The following ITPA variants were observed in gnomAD, a reference collection of about 807,000 sequenced individuals.
ITPA encodes the protein inosine triphosphate pyrophosphatase.
ITPA carries 29 observed loss-of-function variants against 29.6 expected under a neutral mutation model. The observed-to-expected ratio is 0.98, with a 90% CI of 0.73 to 1.34. The LOEUF (loss-of-function observed/expected upper bound fraction) is 1.34. Among genes scored for constraint, ITPA ranks in the 40% most tolerant of loss-of-function variants. The probability of loss-of-function intolerance (pLI) is 0.00; values close to 1 mark genes in which losing one functional copy is unlikely to be tolerated. For synonymous variants in ITPA, 103 were observed against 99.3 expected (o/e 1.04, Z -0.22); for missense variants, 241 against 251.5 (o/e 0.96, Z 0.28).
chr20:3,208,538 G>A (rs1331984040), upstream of ITPA, among the ~76,000 whole-genome samples: 1 of 152,164 alleles, frequency 6.6e-6, no homozygotes, highest in Non-Finnish European at 1.5e-5. Flanking sequence ...ACCATGCCCA[G>A]CTAATTTTGT....
In ITPA at chr20:3,221,849, C is replaced by T. The variant is rs374366773; in HGVS notation, c.420C>T (p.Ile140=). 76 of 1,613,922 alleles carry T rather than the reference C, an allele frequency of 4.7e-5. 1 individual carries two copies. The highest frequency in any genetic ancestry group is 4.2e-4 in the South Asian group (38 of 91,088). The part of the protein sequence containing the change: ...RLFRGRTSGR[I]VAPRGCQDFG... ...CCCCTTTCCTGTGGCAGGGCCGGAT[C>T]GTGGCACCCAGAGGCTGCCAGGACT... The change falls in exon 7 of 8, where the codon ATC becomes ATT. Residue 140 remains isoleucine (I), a synonymous_variant. Coordinates refer to ENST00000380113, the MANE Select transcript of ITPA (RefSeq NM_033453.4).
upstream of ITPA, among the ~76,000 whole-genome samples, chr20:3,208,307 C>A (rs1287914081): frequency 6.6e-6 from 1 of 152,116 alleles, no homozygotes; most frequent in Non-Finnish European, 1.5e-5. Context: ...TCTAGGGACT[C>A]TGCATAATGG....
chr20:3,222,916 CG>C (rs1568520776), intron 7 of ITPA, among the ~76,000 whole-genome samples: 1 of 152,218 alleles, frequency 6.6e-6, no homozygotes, highest in Non-Finnish European at 1.5e-5. Context: ...AGGCCACGGG[CG>C]GGGTATGGGA....
chr20:3,210,120 T>C (rs1206258420), intron 1 of ITPA, among the ~76,000 whole-genome samples: 1 of 152,230 alleles, frequency 6.6e-6, no homozygotes, highest in Non-Finnish European at 1.5e-5. Flanking sequence ...GCAGGACATT[T>C]GCTTCACAGC....
chr20:3,219,582 T>G (rs1429014342), intron 6 of ITPA, among the ~76,000 whole-genome samples: 1 of 150,890 alleles, frequency 6.6e-6, no homozygotes, highest in Non-Finnish European at 1.5e-5. Context: ...CCGTCTCAAC[T>G]AAAAATACAA....
At position 3,223,506 on chromosome 20, in the gene ITPA, G is replaced by A. The variant is rs770970214; in HGVS notation, c.*44G>A. On this transcript the variant is annotated 3_prime_UTR_variant, in exon 8 of 8. Coordinates refer to ENST00000380113, the MANE Select transcript of ITPA (RefSeq NM_033453.4). ...GCCCCTCAGGCCGGGGATCTGGGGA[G>A]GGCTAGCCCAAAACCTCCCGCATCG... is the stretch of plus-strand genomic sequence containing the variant. 6.6e-7 allele frequency: 1 copy of A among 1,506,908 alleles called. No homozygotes were observed. The highest frequency in any genetic ancestry group is 1.4e-5 in the African/African-American group (1 of 73,000). The allele number at this position is 1,506,908 out of a possible 1,614,324, so 93.3% of individuals were successfully genotyped here. A position where few individuals can be genotyped will look rare whatever the true frequency, so the allele number is the denominator to read the frequency against.
upstream of ITPA, chr20:3,204,633 G>A (rs752491480): frequency 5.1e-6 from 8 of 1,576,104 alleles, no homozygotes; most frequent in Middle Eastern, 1.7e-4. Flanking sequence ...ACCATGACGA[G>A]GGCCTCAGTG....
Position 3,213,181 on chromosome 20 carries a change from C to T in ITPA, c.79C>T (p.Leu27=). 1 of 1,614,054 alleles carries T rather than the reference C, an allele frequency of 6.2e-7. No individual in the cohort carries two copies. Among genetic ancestry groups the T allele is most frequent in the Non-Finnish European group, 8.5e-7 (1 of 1,179,930 alleles). ...TCTCTTGGAACAGGTCGTTCAGATTCTAGGAGATAAGTTTCCATGCACTTT... is the reference window on the plus strand; with the variant it reads ...TCTCTTGGAACAGGTCGTTCAGATTTTAGGAGATAAGTTTCCATGCACTTT... ...AKKLEEVVQI[L]GDKFPCTLVA... The change falls in exon 2 of 8, where the codon CTA becomes TTA. Residue 27 remains leucine, a synonymous_variant. Coordinates refer to ENST00000380113, the MANE Select transcript of ITPA (RefSeq NM_033453.4).
intron 6 of ITPA, among the ~76,000 whole-genome samples, chr20:3,220,423 T>A (rs1162972073): frequency 2.6e-5 from 4 of 151,942 alleles, no homozygotes; most frequent in African/African-American, 9.7e-5. Context: ...GTGGTTGAGG[T>A]TCAGTAACTG....
At chr20:3,217,925 T>A (rs2067347943) in intron 5 of ITPA, among the ~76,000 whole-genome samples, 1 of 83,966 alleles carries the variant, frequency 1.2e-5, no homozygotes, top group Non-Finnish European at 2.8e-5. Flanking sequence ...TGTTTTTGTT[T>A]TTTCTTTCCT....
chr20:3,207,955 A>C (rs1172945570), upstream of ITPA, among the ~76,000 whole-genome samples: 1 of 147,680 alleles, frequency 6.8e-6, no homozygotes, highest in East Asian at 2.0e-4. Context: ...AGATCATGCC[A>C]TTGCACTCCA....
Position 3,220,098 on chromosome 20 carries a change from G to A in ITPA, c.411+1466G>A, listed in dbSNP as rs116684965. On this transcript the variant is annotated intron_variant, in intron 6 of 7. Transcript: ENST00000380113. ...TTATTTGCCCAAACTTATTCCTTCCGTGAGATGTATTCAACACCCCCTACT... is the reference window on the plus strand; with the variant it reads ...TTATTTGCCCAAACTTATTCCTTCCATGAGATGTATTCAACACCCCCTACT... 9.5e-3 allele frequency among the ~76,000 whole-genome samples: 1,412 copies of A among 148,150 alleles called. 22 individuals carry two copies. The highest frequency in any genetic ancestry group is 0.034 in the African/African-American group (1,357 of 40,230).
intron 6 of ITPA, among the ~76,000 whole-genome samples, chr20:3,220,097 C>T (rs147277816): frequency 1.7e-3 from 254 of 151,710 alleles, no homozygotes; most frequent in Non-Finnish European, 2.6e-3. Context: ...TTATTCCTTC[C>T]GTGAGATGTA....
In ITPA at chr20:3,215,744, G is replaced by C. The variant is rs112200085; in HGVS notation, c.295+432G>C. 1.1e-4 allele frequency among the ~76,000 whole-genome samples: 16 copies of C among 152,190 alleles called. 1 individual carries two copies. Among genetic ancestry groups the C allele is most frequent in the African/African-American group, 3.6e-4 (15 of 41,516 alleles). On this transcript the variant is annotated intron_variant, in intron 5 of 7. Transcript: ENST00000380113. ...TCTGTTGCCCAGGCTGGAGTACACCGGTGTGATCTCGACTCACTGCAACCT... is the reference window on the plus strand; with the variant it reads ...TCTGTTGCCCAGGCTGGAGTACACCCGTGTGATCTCGACTCACTGCAACCT...
upstream of ITPA, among the ~76,000 whole-genome samples, chr20:3,206,429 A>G (rs368702235): frequency 1.8e-4 from 26 of 143,954 alleles, no homozygotes; most frequent in African/African-American, 6.8e-4. Flanking sequence ...ACCGTGGCTC[A>G]CGCCTACAAT....
At position 3,209,625 on chromosome 20, in the gene ITPA, G is replaced by T. The variant is rs989558409; in HGVS notation, c.66+8G>T. ...GCCAAGAAGCTGGAGGAGGTGCCGG[G>T]AGGGTGTTGGGGGCTAACTGGGAGG... On this transcript the variant is annotated splice_region_variant and intron_variant, in intron 1 of 7. Coordinates refer to ENST00000380113, the MANE Select transcript of ITPA (RefSeq NM_033453.4). The surrounding 1 kb of genome is among the most constrained non-coding windows in gnomAD (Gnocchi z 4.6). 7 of 1,613,656 alleles carry T rather than the reference G, an allele frequency of 4.3e-6. No homozygotes were observed. In the African/African-American group the frequency reaches 6.7e-5, roughly 15 times the overall value.
chr20:3,214,221 T>G lies in ITPA; in HGVS notation c.263+163T>G, dbSNP rs918946561. ...GGATAGGAGAAGCATGCCTTTCTTT[T>G]GTAAAGTGTGAGAATGCGACCTGTA... is the stretch of plus-strand genomic sequence containing the variant. On this transcript the variant is annotated intron_variant, in intron 4 of 7. Coordinates refer to ENST00000380113, the MANE Select transcript of ITPA (RefSeq NM_033453.4). 2.0e-5 allele frequency among the ~76,000 whole-genome samples: 3 copies of G among 152,186 alleles called. No homozygotes were observed. The East Asian group carries it at 5.8e-4, about 29-fold the overall frequency.
At chr20:3,222,585 G>A (rs1191774154) in intron 7 of ITPA, among the ~76,000 whole-genome samples, 1 of 152,166 alleles carries the variant, frequency 6.6e-6, no homozygotes, top group East Asian at 1.9e-4. Context: ...GCAGCCTCTG[G>A]TGGGCACTAT....
chr20:3,218,679 T>A (rs553757179), intron 6 of ITPA, 47 bp downstream of exon 6: 1 of 1,473,096 alleles, frequency 6.8e-7, no homozygotes, highest in East Asian at 2.3e-5. Flanking sequence ...CGCCAGGGGG[T>A]GCCGCGACCC....
Sources: gnomAD v4.1 joint callset for allele counts (sites outside exome capture counted in the v4.1 genomes callset) on GRCh38, gnomAD v4.1.1 for gene constraint, Gnocchi (gnomAD v3.1) non-coding constraint, MANE v1.5 for transcripts, NCBI Gene and HGNC (gene_info 2026-07-23, HGNC 2026-07-21) for gene names.